The following SDK2 variants were observed in gnomAD, a reference collection of about 807,000 sequenced individuals.
SDK2 encodes the protein protein sidekick-2.
A neutral mutation model predicts 253.9 loss-of-function variants in SDK2; 105 were observed. That is an observed-to-expected ratio of 0.41 (90% CI 0.35 to 0.49). SDK2 has a LOEUF of 0.49. Ranked by LOEUF, SDK2 falls within the 20% of genes least tolerant of loss-of-function variation. The pLI is 0.06. For synonymous variants in SDK2, 1,249 were observed against 1,234.9 expected, an observed-to-expected ratio of 1.01 and a Z score of -0.24; for missense variants, 2,608 against 3,003.0, an observed-to-expected ratio of 0.87 and a Z score of 3.07.
chr17:73,349,355 AAGCTTTGTG>A (rs1189820961), intron 43 of SDK2, among the ~76,000 whole-genome samples: 4 of 152,186 alleles, frequency 2.6e-5, no homozygotes, highest in Non-Finnish European at 4.4e-5. Context: ...AGACAGAGGG[AAGCTTTGTG>A]AGCTCCTGAG....
At chr17:73,409,605 G>A (rs923771986) in intron 18 of SDK2, among the ~76,000 whole-genome samples, 6 of 151,728 alleles carry the variant, frequency 4.0e-5, no homozygotes, top group African/African-American at 9.7e-5. Flanking sequence ...ATTCTAGCCC[G>A]GGCAATAAGA....
At chr17:73,498,252 A>G (rs2063859410) in intron 2 of SDK2, among the ~76,000 whole-genome samples, 1 of 151,964 alleles carries the variant, frequency 6.6e-6, no homozygotes, top group African/African-American at 2.4e-5. Context: ...TGTCCACACT[A>G]CTCAAGTTCT....
At chr17:73,458,247 A>G (rs559202207) in intron 3 of SDK2, among the ~76,000 whole-genome samples, 5 of 152,316 alleles carry the variant, frequency 3.3e-5, no homozygotes, top group Non-Finnish European at 7.3e-5. Context: ...CCCAGACCAG[A>G]CCTGAGTATT....
chr17:73,489,299 A>G (rs1176364435), intron 2 of SDK2, among the ~76,000 whole-genome samples: 1 of 152,210 alleles, frequency 6.6e-6, no homozygotes, highest in Non-Finnish European at 1.5e-5. Flanking sequence ...GGAAGGAGTT[A>G]AACATCAGGT....
Position 73,438,136 on chromosome 17 carries a change from A to T in SDK2, c.744T>A (p.His248Gln). 20 of 1,551,418 alleles carry T rather than the reference A, an allele frequency of 1.3e-5. No individual in the cohort carries two copies. The highest frequency in any genetic ancestry group is 1.7e-5 in the Non-Finnish European group (19 of 1,146,876). The part of the protein sequence containing the change: ...VANARPLIKL[H>Q]IIWKKDGVLL... ...ATACCCCGTCCTTCTTCCAAATGAT[A>T]TGTAGCTTGATCAGGGGCCTGCAGA... Residue 248 changes from histidine (H) to glutamine (Q), a missense_variant, in exon 7 of 45, where the codon CAT (histidine) becomes CAA (glutamine). Coordinates refer to ENST00000392650, the MANE Select transcript of SDK2 (RefSeq NM_001144952.2).
At chr17:73,597,546 T>C (rs1357675112) in intron 1 of SDK2, among the ~76,000 whole-genome samples, 2 of 152,206 alleles carry the variant, frequency 1.3e-5, no homozygotes, top group South Asian at 2.1e-4. Flanking sequence ...TCAGGGCTCA[T>C]GGAACGACAG....
intron 44 of SDK2, among the ~76,000 whole-genome samples, chr17:73,339,713 C>A (rs2062418099): frequency 6.6e-6 from 1 of 151,778 alleles, no homozygotes; most frequent in South Asian, 2.1e-4. Flanking sequence ...GCCACCACGC[C>A]CCACTAACTT....
chr17:73,492,434 C>T (rs1181734469), intron 2 of SDK2, among the ~76,000 whole-genome samples: 1 of 152,096 alleles, frequency 6.6e-6, no homozygotes, highest in South Asian at 2.1e-4. Context: ...GCCCTATCTC[C>T]CCTGGAGAGA....
At chr17:73,424,995 G>GT (rs1272506569) in intron 12 of SDK2, among the ~76,000 whole-genome samples, 1 of 152,214 alleles carries the variant, frequency 6.6e-6, no homozygotes, top group Non-Finnish European at 1.5e-5. Flanking sequence ...CGAGGTGGGT[G>GT]TATCACCTGA....
intron 34 of SDK2, among the ~76,000 whole-genome samples, chr17:73,380,555 C>T (rs560153063): frequency 6.6e-6 from 1 of 152,270 alleles, no homozygotes; most frequent in Non-Finnish European, 1.5e-5. Flanking sequence ...GATGGGGCAG[C>T]AACCACGTGG....
intron 1 of SDK2, among the ~76,000 whole-genome samples, chr17:73,537,616 C>T (rs1336806472): frequency 6.6e-6 from 1 of 151,942 alleles, no homozygotes; most frequent in African/African-American, 2.4e-5. Context: ...GAAGAGGTTG[C>T]CAAAGCAGAC....
chr17:73,403,504 A>T (rs1286794331), intron 18 of SDK2, among the ~76,000 whole-genome samples: 1 of 151,306 alleles, frequency 6.6e-6, no homozygotes, highest in South Asian at 2.1e-4. Context: ...CAATAATGAC[A>T]GCTGGTTTCA....
chr17:73,545,309 C>A (rs924075521), intron 1 of SDK2, among the ~76,000 whole-genome samples: 5 of 152,174 alleles, frequency 3.3e-5, no homozygotes, highest in African/African-American at 1.2e-4. Context: ...CTGCTTCTGA[C>A]CCACCCCTAC....
At chr17:73,516,264 T>C (rs2064026100) in intron 1 of SDK2, among the ~76,000 whole-genome samples, 1 of 152,192 alleles carries the variant, frequency 6.6e-6, no homozygotes, top group South Asian at 2.1e-4. Flanking sequence ...TCCCACAACA[T>C]TGGTCAAACC....
At chr17:73,389,070 G>T (rs1292044275) in intron 29 of SDK2, among the ~76,000 whole-genome samples, 1 of 148,880 alleles carries the variant, frequency 6.7e-6, no homozygotes, top group East Asian at 2.0e-4. Flanking sequence ...GCAGTGGCAC[G>T]ATCATAGCTC....
At chr17:73,607,845 TG>T in intron 1 of SDK2, among the ~76,000 whole-genome samples, 1 of 150,824 alleles carries the variant, frequency 6.6e-6, no homozygotes, top group East Asian at 1.9e-4. Flanking sequence ...GACTTCTGTG[TG>T]CTTTTTTTTT....
chr17:73,446,428 C>T (rs187284652), intron 5 of SDK2, among the ~76,000 whole-genome samples: 1 of 152,142 alleles, frequency 6.6e-6, no homozygotes, highest in East Asian at 1.9e-4. Context: ...AACTCTCCTC[C>T]CCGCATTCAG....
chr17:73,367,973 G>T (rs1359348007), intron 37 of SDK2, among the ~76,000 whole-genome samples: 1 of 152,150 alleles, frequency 6.6e-6, no homozygotes, highest in Non-Finnish European at 1.5e-5. Context: ...ACTAGGGTGG[G>T]GACCTTGCTG....
At chr17:73,538,107 A>G (rs1255549058) in intron 1 of SDK2, among the ~76,000 whole-genome samples, 2 of 152,198 alleles carry the variant, frequency 1.3e-5, no homozygotes, top group African/African-American at 4.8e-5. Flanking sequence ...GGCGGTGTTC[A>G]CTGCACTTGG....
Sources: allele counts gnomAD v4.1 joint callset (sites outside exome capture counted in the v4.1 genomes callset), GRCh38; gene constraint gnomAD v4.1.1; transcripts MANE v1.5; gene names NCBI Gene and HGNC (gene_info 2026-07-23, HGNC 2026-07-21).